Variants in PDE4D observed in about 807,000 individuals in gnomAD.
PDE4D encodes the protein phosphodiesterase 4D.
In PDE4D, 24 loss-of-function variants were observed where a neutral mutation model predicts 87.4. That is an observed-to-expected ratio of 0.27 (90% confidence interval 0.20 to 0.39). The LOEUF (loss-of-function observed/expected upper bound fraction) is 0.39. Ranked by LOEUF, PDE4D falls within the 10% of genes least tolerant of loss-of-function variation. The probability of loss-of-function intolerance (pLI) is 1.00; values close to 1 mark genes in which losing one functional copy is unlikely to be tolerated. For missense variants in PDE4D, 714 were observed against 1,041.0 expected, an observed-to-expected ratio of 0.69 and a Z score of 4.32; for synonymous variants, 384 against 383.2, an observed-to-expected ratio of 1.00 and a Z score of -0.02.
Position 58,973,236 on chromosome 5 carries a change from T to G in PDE4D, c.*1428A>C, listed in dbSNP as rs1044205335. The stretch of plus-strand genomic sequence containing the variant: ...TCTGTAAACCAAGAGTAAAAGCTAG[T>G]CATGATATACAACCTCGTGGTTGAA... On this transcript the variant is annotated 3_prime_UTR_variant, in exon 15 of 15. Coordinates refer to ENST00000340635, the MANE Select transcript of PDE4D (RefSeq NM_001104631.2). The G allele has an allele frequency of 1.3e-5, 2 of 152,220 alleles. No homozygotes were observed. Among genetic ancestry groups the G allele is most frequent in the Non-Finnish European group, 2.9e-5 (2 of 68,030 alleles). The allele number at this position is 152,220 out of a possible 1,614,324, so 9.4% of individuals were successfully genotyped here. A position where few individuals can be genotyped will look rare whatever the true frequency, so the allele number is the denominator to read the frequency against.
At chr5:59,170,352 A>T (rs561291915) in intron 5 of PDE4D, among the ~76,000 whole-genome samples, 1 of 152,300 alleles carries the variant, frequency 6.6e-6, no homozygotes, top group Non-Finnish European at 1.5e-5. Context: ...GAAGGATAAT[A>T]CAACATTTTT....
At chr5:59,549,035 T>C (rs1817709153) in intron 1 of PDE4D, among the ~76,000 whole-genome samples, 1 of 152,170 alleles carries the variant, frequency 6.6e-6, no homozygotes, top group Non-Finnish European at 1.5e-5. Context: ...TGCTGACTAA[T>C]TTTATAAAGC....
intron 1 of PDE4D, chr5:59,276,248 G>A: frequency 6.7e-6 from 3 of 444,974 alleles, no homozygotes; most frequent in Non-Finnish European, 8.9e-6. Context: ...AAGCAGACAA[G>A]AGACCTCACA....
intron 1 of PDE4D, among the ~76,000 whole-genome samples, chr5:59,306,471 C>T (rs574008180): frequency 1.7e-4 from 26 of 152,164 alleles, no homozygotes; most frequent in African/African-American, 6.3e-4. Context: ...TTTGTTTTCG[C>T]TTTTTAGCTT....
At chr5:59,565,777 T>C (rs1271832302) in intron 1 of PDE4D, among the ~76,000 whole-genome samples, 1 of 152,118 alleles carries the variant, frequency 6.6e-6, no homozygotes, top group Non-Finnish European at 1.5e-5. Flanking sequence ...TGTGCCTATG[T>C]TTTCTTCCTC....
chr5:59,322,037 G>T (rs1357028054), intron 1 of PDE4D, among the ~76,000 whole-genome samples: 1 of 152,084 alleles, frequency 6.6e-6, no homozygotes, highest in Non-Finnish European at 1.5e-5. Context: ...CATAATCTGA[G>T]GATGTCTTCA....
At chr5:59,005,473 T>TC (rs775000175) in intron 6 of PDE4D, among the ~76,000 whole-genome samples, 4 of 152,230 alleles carry the variant, frequency 2.6e-5, no homozygotes, top group Non-Finnish European at 4.4e-5. Flanking sequence ...CATTTCATTT[T>TC]CCCTAATCTC....
intron 3 of PDE4D, among the ~76,000 whole-genome samples, chr5:59,957,320 G>T (rs1013240666): frequency 6.6e-6 from 1 of 151,560 alleles, no homozygotes; most frequent in Non-Finnish European, 1.5e-5. Context: ...ATATTTTCCA[G>T]TATAGAATTA....
intron 1 of PDE4D, among the ~76,000 whole-genome samples, chr5:59,307,571 A>T (rs1449991158): frequency 6.6e-6 from 1 of 152,172 alleles, no homozygotes; most frequent in African/African-American, 2.4e-5. Flanking sequence ...GACACTTCTC[A>T]AAAGAAGACA....
At chr5:59,439,519 A>C (rs151227536) in intron 1 of PDE4D, among the ~76,000 whole-genome samples, 2 of 152,214 alleles carry the variant, frequency 1.3e-5, no homozygotes, top group Non-Finnish European at 2.9e-5. Context: ...CACTCATTCA[A>C]CAAATATTTA....
chr5:60,143,633 GTGTGTGTGTGTGTGTGTA>G (rs1245426630), intron 2 of PDE4D, among the ~76,000 whole-genome samples: 4 of 145,798 alleles, frequency 2.7e-5, no homozygotes, highest in African/African-American at 1.0e-4. Context: ...GTGTGTGTGT[GTGTGTGTGTGTGTGTGTA>G]TGTGTGTGTG....
At chr5:59,299,927 T>C (rs1380925316) in intron 1 of PDE4D, among the ~76,000 whole-genome samples, 25 of 152,078 alleles carry the variant, frequency 1.6e-4, no homozygotes, top group Admixed American at 1.6e-3. Context: ...CTGGCCAACA[T>C]GGCGAAACCC....
intron 3 of PDE4D, among the ~76,000 whole-genome samples, chr5:59,977,441 A>G (rs541987819): frequency 6.6e-6 from 1 of 152,268 alleles, no homozygotes; most frequent in Admixed American, 6.5e-5. Flanking sequence ...TGCAGACGAA[A>G]AGTTGGATGC....
intron 1 of PDE4D, among the ~76,000 whole-genome samples, chr5:60,298,000 G>T (rs1160231783): frequency 2.0e-5 from 3 of 152,158 alleles, no homozygotes; most frequent in Non-Finnish European, 1.5e-5. Context: ...TCAAAATAAT[G>T]TATTTCTCAA....
intron 1 of PDE4D, among the ~76,000 whole-genome samples, chr5:59,491,570 T>C (rs1168824159): frequency 1.3e-5 from 2 of 152,222 alleles, no homozygotes; most frequent in Non-Finnish European, 2.9e-5. Flanking sequence ...TCATTGTGAA[T>C]AGTAACTGAT....
chr5:59,188,133 T>C (rs1743347515), intron 3 of PDE4D, among the ~76,000 whole-genome samples: 1 of 152,188 alleles, frequency 6.6e-6, no homozygotes, highest in South Asian at 2.1e-4. Context: ...AATTCGACTC[T>C]TTAAGAACTG....
intron 11 of PDE4D, among the ~76,000 whole-genome samples, chr5:58,980,140 G>C (rs1236352601): frequency 6.6e-6 from 1 of 152,218 alleles, no homozygotes; most frequent in Admixed American, 6.5e-5. Flanking sequence ...GAGCCATATA[G>C]GTGGGAAGTA....
chr5:59,482,355 G>A (rs575203230), intron 1 of PDE4D, among the ~76,000 whole-genome samples: 2 of 152,132 alleles, frequency 1.3e-5, no homozygotes, highest in Non-Finnish European at 2.9e-5. Context: ...TTAAAAGAAT[G>A]TAAGGGCAAT....
intron 1 of PDE4D, among the ~76,000 whole-genome samples, chr5:59,249,822 AT>A (rs1759562744): frequency 6.6e-6 from 1 of 151,712 alleles, no homozygotes; most frequent in African/African-American, 2.4e-5. Flanking sequence ...TTGTATTTTT[AT>A]TTTTTCTATA....
Sources: gnomAD v4.1 joint callset for allele counts (sites outside exome capture counted in the v4.1 genomes callset) on GRCh38, gnomAD v4.1.1 for gene constraint, MANE v1.5 for transcripts, NCBI Gene and HGNC (gene_info 2026-07-23, HGNC 2026-07-21) for gene names.